LRRC8D: variants seen among roughly 807,000 people sequenced by gnomAD.
LRRC8D encodes the protein volume-regulated anion channel subunit LRRC8D.
In LRRC8D, 20 loss-of-function variants were observed where a neutral mutation model predicts 55.8. The ratio of observed to expected loss-of-function variants is 0.36; its 90% CI spans 0.25 to 0.52. The LOEUF is 0.52. Among genes scored for constraint, LRRC8D ranks in the 20% least tolerant of loss-of-function variants. LRRC8D has a pLI of 0.93. For synonymous variants in LRRC8D, 352 were observed against 377.0 expected (o/e 0.93, Z 0.77); for missense variants, 651 against 1,030.8 (o/e 0.63, Z 5.05).
At position 89,935,453 on chromosome 1, in the gene LRRC8D, T is replaced by C. The variant is rs760896919; in HGVS notation, c.2385T>C (p.Gly795=). Residue 795 remains glycine, a synonymous_variant, in exon 3 of 3, where the codon GGT becomes GGC. Transcript: ENST00000337338. The part of the protein sequence containing the change: ...NCITSLPEKV[G]QLSQLTQLEL... ...TCACCTCACTCCCAGAGAAAGTTGG[T>C]CAGCTCTCCCAGCTCACTCAGCTGG... The C allele has an allele frequency of 3.1e-6, 5 of 1,614,220 alleles. No homozygotes were observed. The South Asian group carries it at 5.5e-5, about 18-fold the overall frequency.
intron 2 of LRRC8D, among the ~76,000 whole-genome samples, chr1:89,859,304 G>A (rs1184406896): frequency 3.3e-5 from 5 of 151,538 alleles, no homozygotes; most frequent in South Asian, 2.1e-4. Flanking sequence ...CTCCATACAC[G>A]GAGATAGTAG....
chr1:89,932,630 G>A (rs1663740785), intron 2 of LRRC8D, among the ~76,000 whole-genome samples: 1 of 152,170 alleles, frequency 6.6e-6, no homozygotes, highest in Non-Finnish European at 1.5e-5. Flanking sequence ...AACTAAGTCT[G>A]GAACATAAGA....
At chr1:89,910,691 G>T (rs1390317850) in intron 2 of LRRC8D, among the ~76,000 whole-genome samples, 1 of 152,020 alleles carries the variant, frequency 6.6e-6, no homozygotes, top group African/African-American at 2.4e-5. Context: ...GATCTCGGTC[G>T]AATTACTCAA....
At chr1:89,843,430 GC>G in intron 1 of LRRC8D, 1 of 363,514 alleles carries the variant, frequency 2.8e-6, no homozygotes, top group Non-Finnish European at 4.9e-6. Flanking sequence ...AGCAGGGGGG[GC>G]CCGGGCCGAG....
At chr1:89,921,649 ATTC>A (rs1663422834) in intron 2 of LRRC8D, among the ~76,000 whole-genome samples, 1 of 152,052 alleles carries the variant, frequency 6.6e-6, no homozygotes, top group Non-Finnish European at 1.5e-5. Flanking sequence ...ACTTCAAGCA[ATTC>A]TTCTTCCTCA....
At chr1:89,871,342 G>A (rs888834122) in intron 2 of LRRC8D, among the ~76,000 whole-genome samples, 1 of 152,118 alleles carries the variant, frequency 6.6e-6, no homozygotes, top group African/African-American at 2.4e-5. Flanking sequence ...CGGTTGAATC[G>A]GTATTTGGAG....
chr1:89,928,056 A>G (rs1557487849), intron 2 of LRRC8D, among the ~76,000 whole-genome samples: 1 of 152,188 alleles, frequency 6.6e-6, no homozygotes, highest in Non-Finnish European at 1.5e-5. Flanking sequence ...GGAAGAGACC[A>G]AGATTAGAAA....
chr1:89,825,103 T>C (rs1660732553), intron 1 of LRRC8D, among the ~76,000 whole-genome samples: 1 of 152,192 alleles, frequency 6.6e-6, no homozygotes, highest in African/African-American at 2.4e-5. Flanking sequence ...TTCTAGCCTT[T>C]GACATTTTTG....
intron 2 of LRRC8D, among the ~76,000 whole-genome samples, chr1:89,883,177 G>T (rs1288105352): frequency 6.6e-6 from 1 of 152,034 alleles, no homozygotes; most frequent in East Asian, 1.9e-4. Flanking sequence ...ACTTTCACCG[G>T]GGCAGCTTAG....
chr1:89,823,443 G>T (rs1660688505), intron 1 of LRRC8D, among the ~76,000 whole-genome samples: 1 of 152,140 alleles, frequency 6.6e-6, no homozygotes, highest in Non-Finnish European at 1.5e-5. Context: ...TGATGTGTTT[G>T]TCATGTCCAA....
intron 2 of LRRC8D, among the ~76,000 whole-genome samples, chr1:89,916,906 T>C (rs889639790): frequency 6.6e-6 from 1 of 152,198 alleles, no homozygotes; most frequent in African/African-American, 2.4e-5. Context: ...GTGGTGTATG[T>C]ACCTTGTCAC....
chr1:89,914,409 A>T (rs140206413), intron 2 of LRRC8D, among the ~76,000 whole-genome samples: 9 of 152,174 alleles, frequency 5.9e-5, no homozygotes, highest in African/African-American at 1.9e-4. Flanking sequence ...GGGCTCCCAC[A>T]GTGCATTGGT....
At chr1:89,847,055 A>G (rs576761537) in intron 2 of LRRC8D, among the ~76,000 whole-genome samples, 1 of 152,330 alleles carries the variant, frequency 6.6e-6, no homozygotes, top group Non-Finnish European at 1.5e-5. Context: ...ACGTGAGCAA[A>G]CCCATGTAAC....
intron 2 of LRRC8D, among the ~76,000 whole-genome samples, chr1:89,880,530 A>G (rs1464817929): frequency 6.6e-6 from 1 of 151,458 alleles, no homozygotes; most frequent in Non-Finnish European, 1.5e-5. Context: ...TTCATTATCC[A>G]TAACATGAGT....
intron 2 of LRRC8D, among the ~76,000 whole-genome samples, chr1:89,891,012 G>A (rs941172741): frequency 1.3e-5 from 2 of 152,274 alleles, no homozygotes; most frequent in East Asian, 3.9e-4. Flanking sequence ...TTCCTGAGTA[G>A]CTGGGACTGC....
intron 2 of LRRC8D, among the ~76,000 whole-genome samples, chr1:89,846,031 G>A (rs1661269446): frequency 1.3e-5 from 2 of 151,960 alleles, no homozygotes; most frequent in Non-Finnish European, 2.9e-5. Flanking sequence ...CACCCGCCTC[G>A]GCCTCCCAAA....
intron 2 of LRRC8D, among the ~76,000 whole-genome samples, chr1:89,845,611 A>G (rs1661255655): frequency 6.6e-6 from 1 of 151,324 alleles, no homozygotes. Flanking sequence ...GAATTTTTGT[A>G]TTTTTAGTAG....
chr1:89,921,719 A>G (rs900372314), intron 2 of LRRC8D, among the ~76,000 whole-genome samples: 2 of 151,926 alleles, frequency 1.3e-5, no homozygotes, highest in Non-Finnish European at 2.9e-5. Context: ...TAATTTTTAA[A>G]TTTTTAGTAG....
chr1:89,827,785 T>C (rs545674352), intron 1 of LRRC8D, among the ~76,000 whole-genome samples: 8 of 152,352 alleles, frequency 5.3e-5, no homozygotes, highest in African/African-American at 1.9e-4. Context: ...ACTGATTTTC[T>C]AGTGCCTTGC....
Sources: allele counts gnomAD v4.1 joint callset (sites outside exome capture counted in the v4.1 genomes callset), GRCh38; gene constraint gnomAD v4.1.1; transcripts MANE v1.5; gene names NCBI Gene and HGNC (gene_info 2026-07-23, HGNC 2026-07-21).